The following RARS2 variants were observed in gnomAD, a reference collection of about 807,000 sequenced individuals.
RARS2 encodes arginyl-tRNA synthetase 2, mitochondrial.
A neutral mutation model predicts 88.5 loss-of-function variants in RARS2; 67 were observed. The ratio of observed to expected loss-of-function variants is 0.76; its 90% CI spans 0.62 to 0.93. The LOEUF (loss-of-function observed/expected upper bound fraction) is 0.93, where lower values mean the gene tolerates loss of function less well. Among genes scored for constraint, RARS2 ranks in the 40% least tolerant of loss-of-function variants. The pLI, the probability that RARS2 is intolerant of heterozygous loss-of-function variation, is 0.00. For missense variants in RARS2, 664 were observed against 684.2 expected, an observed-to-expected ratio of 0.97 and a Z score of 0.33; for synonymous variants, 239 against 230.3, an observed-to-expected ratio of 1.04 and a Z score of -0.34.
chr6:87,544,821 C>T (rs1186810941), intron 7 of RARS2, among the ~76,000 whole-genome samples: 1 of 152,172 alleles, frequency 6.6e-6, no homozygotes, highest in Non-Finnish European at 1.5e-5. Context: ...CTTTCCCCAA[C>T]CCACTCCTAC....
At chr6:87,561,323 T>C (rs137875264) in intron 4 of RARS2, among the ~76,000 whole-genome samples, 2 of 152,212 alleles carry the variant, frequency 1.3e-5, no homozygotes, top group Admixed American at 6.5e-5. Flanking sequence ...ATTATCTTCA[T>C]GTTACTGGCA....
At chr6:87,545,942 T>C (rs146521110) in intron 6 of RARS2, among the ~76,000 whole-genome samples, 194 of 152,176 alleles carry the variant, frequency 1.3e-3, no homozygotes, top group African/African-American at 3.9e-3. Context: ...AACTTTCACC[T>C]ACATTATTAA....
At chr6:87,514,634 G>A (rs1030004491) in intron 19 of RARS2, 135 bp from the exon 20 acceptor site, 146 of 796,948 alleles carry the variant, frequency 1.8e-4, no homozygotes, top group Non-Finnish European at 2.6e-4. Context: ...AGTTACTATA[G>A]GCAAGAGAAG....
intron 2 of RARS2, among the ~76,000 whole-genome samples, chr6:87,567,709 T>A (rs1435746784): frequency 6.6e-6 from 1 of 152,232 alleles, no homozygotes; most frequent in Non-Finnish European, 1.5e-5. Context: ...TAAGTAAACT[T>A]AATATGAAGA....
intron 5 of RARS2, among the ~76,000 whole-genome samples, chr6:87,555,104 T>TAAATAAAC (rs1201904653): frequency 2.6e-5 from 3 of 117,618 alleles, no homozygotes; most frequent in Admixed American, 2.4e-4. Context: ...GTCTCAAAAA[T>TAAATAAAC]AAATAAATAA....
At chr6:87,536,708 G>A (rs1430378183) in intron 8 of RARS2, among the ~76,000 whole-genome samples, 1 of 151,242 alleles carries the variant, frequency 6.6e-6, no homozygotes, top group Admixed American at 6.6e-5. Context: ...TTGATATATT[G>A]TCTAAAGCTT....
At chr6:87,533,697 G>A (rs1009275233) in intron 8 of RARS2, among the ~76,000 whole-genome samples, 4 of 152,176 alleles carry the variant, frequency 2.6e-5, no homozygotes, top group Non-Finnish European at 4.4e-5. Flanking sequence ...ACTATTTCTA[G>A]ATGTTGGGCC....
chr6:87,551,274 G>A (rs1013961384), intron 5 of RARS2, among the ~76,000 whole-genome samples: 20 of 152,106 alleles, frequency 1.3e-4, no homozygotes, highest in Non-Finnish European at 2.5e-4. Flanking sequence ...CATCTTACTG[G>A]GACTTTTGTT....
At chr6:87,558,783 T>C (rs1269696327) in intron 4 of RARS2, among the ~76,000 whole-genome samples, 1 of 152,258 alleles carries the variant, frequency 6.6e-6, no homozygotes, top group Non-Finnish European at 1.5e-5. Context: ...TAAAGGACTG[T>C]ACTGATTTAT....
chr6:87,519,853 G>C, intron 13 of RARS2, 146 bp from the exon 14 acceptor site: 1 of 975,006 alleles, frequency 1.0e-6, no homozygotes, highest in Non-Finnish European at 1.6e-6. Context: ...TGATTTGTAT[G>C]CTACAAAGGA....
intron 8 of RARS2, among the ~76,000 whole-genome samples, chr6:87,532,074 A>G (rs552180149): frequency 1.3e-5 from 2 of 152,314 alleles, no homozygotes; most frequent in Admixed American, 6.5e-5. Flanking sequence ...GCTTATACCC[A>G]CTAGATACTA....
rs148309935 is a variant in RARS2 at position 87,582,747 on chromosome 6, A to C, written c.36+7175T>G. Among the ~76,000 whole-genome samples the C allele has an allele frequency of 2.5e-3, 381 of 152,342 alleles. 2 individuals are homozygous for C. The highest frequency in any genetic ancestry group is 8.8e-3 in the African/African-American group (367 of 41,574). On this transcript the variant is annotated intron_variant, in intron 1 of 19. Transcript: ENST00000369536. ...AACATACATATTGCACCTCAGGACTAAATGACAACAATTAGACAACTAGTT... is the reference window on the plus strand; with the variant it reads ...AACATACATATTGCACCTCAGGACTCAATGACAACAATTAGACAACTAGTT...
chr6:87,559,597 T>C (rs1787209522), intron 4 of RARS2, among the ~76,000 whole-genome samples: 1 of 152,140 alleles, frequency 6.6e-6, no homozygotes, highest in African/African-American at 2.4e-5. Context: ...GCTCAAGTGA[T>C]TCTCCTGCCT....
Position 87,518,911 on chromosome 6 carries a change from C to G in RARS2, c.1238-20G>C. The G allele has an allele frequency of 6.2e-7, 1 of 1,611,940 alleles. No individual in the cohort carries two copies. The highest frequency in any genetic ancestry group is 8.5e-7 in the Non-Finnish European group (1 of 1,178,142). On this transcript the variant is annotated intron_variant, in intron 14 of 19. Transcript: ENST00000369536. ...TAGTTGCTGAAACAGACAAAGGCAG[C>G]TATCTTTAGTCTACATGACACTGTG...
At chr6:87,519,341 T>C in intron 14 of RARS2, 1 of 455,434 alleles carries the variant, frequency 2.2e-6, no homozygotes, top group Non-Finnish European at 4.0e-6. Context: ...CAACAGAATG[T>C]CAGTGCTCAA....
Position 87,535,675 on chromosome 6 carries a change from TG to T in RARS2, c.613-4734del, listed in dbSNP as rs376147697. ...TATTTGTGTTATTATGTAACTGTTT[TG>T]TTTTTTTTTTTTTTTTTTGAGACAG... is the stretch of plus-strand genomic sequence containing the variant. On this transcript the variant is annotated intron_variant, in intron 8 of 19. Coordinates refer to ENST00000369536, the MANE Select transcript of RARS2 (RefSeq NM_020320.5). Among the ~76,000 whole-genome samples, 33 of 133,802 alleles carry T rather than the reference TG, an allele frequency of 2.5e-4. 1 individual carries two copies. The highest frequency in any genetic ancestry group is 4.3e-4 in the East Asian group (2 of 4,646). 87.8% of individuals were successfully genotyped at this position (133,802 alleles called of 152,430 possible). A position where few individuals can be genotyped will look rare whatever the true frequency, so the allele number is the denominator to read the frequency against.
chr6:87,561,677 G>A (rs1787891411), intron 4 of RARS2, among the ~76,000 whole-genome samples: 2 of 152,206 alleles, frequency 1.3e-5, no homozygotes, highest in Non-Finnish European at 2.9e-5. Flanking sequence ...GAACATGAGT[G>A]CTCACTGCTC....
intron 8 of RARS2, among the ~76,000 whole-genome samples, chr6:87,539,913 A>G (rs544964657): frequency 6.6e-6 from 1 of 152,338 alleles, no homozygotes; most frequent in Admixed American, 6.5e-5. Context: ...AGCTTGAGGT[A>G]AAATTATTCA....
chr6:87,522,140 A>T (rs1242659510), intron 11 of RARS2, among the ~76,000 whole-genome samples: 1 of 151,786 alleles, frequency 6.6e-6, no homozygotes, highest in South Asian at 2.1e-4. Flanking sequence ...GACCAGCCTG[A>T]CCAACATGGT....
Sources: gnomAD v4.1 joint callset for allele counts (sites outside exome capture counted in the v4.1 genomes callset) on GRCh38, gnomAD v4.1.1 for gene constraint, MANE v1.5 for transcripts, NCBI Gene and HGNC (gene_info 2026-07-23, HGNC 2026-07-21) for gene names.